EPHA6: variants seen among roughly 807,000 people sequenced by gnomAD.
The protein encoded by EPHA6 is ephrin type-A receptor 6.
A neutral mutation model predicts 112.0 loss-of-function variants in EPHA6; 50 were observed. The observed-to-expected ratio is 0.45, with a 90% CI of 0.36 to 0.56. EPHA6 has a LOEUF of 0.56. Ranked by LOEUF, EPHA6 falls within the 20% of genes least tolerant of loss-of-function variation. EPHA6 has a pLI of 0.00. For missense variants in EPHA6, 1,280 were observed against 1,417.4 expected (o/e 0.90, Z 1.56); for synonymous variants, 529 against 490.7 (o/e 1.08, Z -1.03).
intron 3 of EPHA6, among the ~76,000 whole-genome samples, chr3:97,083,702 A>G (rs1183166926): frequency 6.6e-6 from 1 of 151,950 alleles, no homozygotes; most frequent in Non-Finnish European, 1.5e-5. Context: ...AATCTTTCTT[A>G]AAATATAAAT....
At position 97,408,228 on chromosome 3, in the gene EPHA6, T is replaced by C. The variant is rs530250669; in HGVS notation, c.1731+2954T>C. Among the ~76,000 whole-genome samples the C allele has an allele frequency of 6.6e-5, 10 of 152,162 alleles. No individual in the cohort carries two copies. The East Asian group carries it at 9.7e-4, about 15-fold the overall frequency. On this transcript the variant is annotated intron_variant, in intron 6 of 17. Coordinates refer to ENST00000389672, the MANE Select transcript of EPHA6 (RefSeq NM_001080448.3). ...AATGATCTCTTAAGGGTTCCACCTA[T>C]TAATACTGTTACAATGACAATTAAA...
intron 5 of EPHA6, among the ~76,000 whole-genome samples, chr3:97,356,780 T>C (rs2084100039): frequency 6.6e-6 from 1 of 152,180 alleles, no homozygotes; most frequent in Non-Finnish European, 1.5e-5. Context: ...GCTCCTGTTG[T>C]TGCTTACATC....
chr3:97,634,382 T>C (rs943232131), intron 13 of EPHA6, among the ~76,000 whole-genome samples: 13 of 152,162 alleles, frequency 8.5e-5, no homozygotes, highest in Middle Eastern at 3.4e-3. Flanking sequence ...CTTTTTTCTT[T>C]TCGTCAAGCC....
intron 3 of EPHA6, among the ~76,000 whole-genome samples, chr3:97,174,622 T>C (rs1244050416): frequency 6.6e-6 from 1 of 151,962 alleles, no homozygotes; most frequent in Non-Finnish European, 1.5e-5. Flanking sequence ...TCATAGTAGT[T>C]TTTATTTGCA....
At chr3:96,857,664 G>T (rs1483890063) in intron 1 of EPHA6, among the ~76,000 whole-genome samples, 1 of 151,778 alleles carries the variant, frequency 6.6e-6, no homozygotes, top group Admixed American at 6.6e-5. Flanking sequence ...TTTTTTTTAA[G>T]TCTTCACATT....
intron 2 of EPHA6, among the ~76,000 whole-genome samples, chr3:96,978,529 G>T (rs766517751): frequency 6.6e-6 from 1 of 151,948 alleles, no homozygotes; most frequent in African/African-American, 2.4e-5. Flanking sequence ...TTGTTTTAGG[G>T]AATCAGATCC....
chr3:97,143,119 T>C (rs1313290729), intron 3 of EPHA6, among the ~76,000 whole-genome samples: 1 of 151,678 alleles, frequency 6.6e-6, no homozygotes, highest in African/African-American at 2.4e-5. Flanking sequence ...ACATCAATAA[T>C]TTTCAAGCTG....
intron 3 of EPHA6, among the ~76,000 whole-genome samples, chr3:97,209,136 A>G (rs537858613): frequency 1.3e-5 from 2 of 152,182 alleles, no homozygotes; most frequent in Non-Finnish European, 2.9e-5. Flanking sequence ...GCACACACAG[A>G]ATACTTAGTA....
At chr3:96,936,198 A>G (rs553417533) in intron 2 of EPHA6, among the ~76,000 whole-genome samples, 1 of 152,240 alleles carries the variant, frequency 6.6e-6, no homozygotes, top group South Asian at 2.1e-4. Flanking sequence ...TTGTATGGCA[A>G]TACGTCATTT....
intron 13 of EPHA6, among the ~76,000 whole-genome samples, chr3:97,630,942 C>G (rs1461269046): frequency 6.6e-6 from 1 of 151,936 alleles, no homozygotes; most frequent in Non-Finnish European, 1.5e-5. Context: ...CTTATAAAAC[C>G]ACCTGTGACC....
chr3:97,039,958 C>G (rs1438545472), intron 3 of EPHA6, among the ~76,000 whole-genome samples: 1 of 151,886 alleles, frequency 6.6e-6, no homozygotes, highest in Admixed American at 6.6e-5. Flanking sequence ...AGAAAAATAA[C>G]TGAACAACTT....
In EPHA6 at chr3:97,377,925, T is replaced by C. The variant is rs532127580; in HGVS notation, c.1607-27225T>C. 1.1e-3 allele frequency among the ~76,000 whole-genome samples: 162 copies of C among 152,298 alleles called. 1 individual carries two copies. Among genetic ancestry groups the C allele is most frequent in the African/African-American group, 3.6e-3 (149 of 41,564 alleles). ...GAAAATTTGCAGACTGACAATGTGA[T>C]AGAAAAGAAAATCCCATTTTCTGAG... On this transcript the variant is annotated intron_variant, in intron 5 of 17. Coordinates refer to ENST00000389672, the MANE Select transcript of EPHA6 (RefSeq NM_001080448.3).
At chr3:97,365,270 C>T (rs1160744555) in intron 5 of EPHA6, among the ~76,000 whole-genome samples, 1 of 152,014 alleles carries the variant, frequency 6.6e-6, no homozygotes, top group African/African-American at 2.4e-5. Flanking sequence ...AAAGAGGTTT[C>T]AAAGAGATTA....
At chr3:97,145,151 A>AT (rs749872770) in intron 3 of EPHA6, among the ~76,000 whole-genome samples, 1 of 151,358 alleles carries the variant, frequency 6.6e-6, no homozygotes, top group Non-Finnish European at 1.5e-5. Context: ...TATTAAGGTA[A>AT]TTTTTTCCTT....
chr3:97,102,136 A>G (rs753853921), intron 3 of EPHA6, among the ~76,000 whole-genome samples: 4 of 152,050 alleles, frequency 2.6e-5, no homozygotes, highest in Non-Finnish European at 4.4e-5. Context: ...CATATAAGAA[A>G]CACTCATAGC....
intron 2 of EPHA6, among the ~76,000 whole-genome samples, chr3:96,968,957 G>T (rs1283899281): frequency 1.3e-5 from 2 of 151,764 alleles, no homozygotes; most frequent in Admixed American, 1.3e-4. Flanking sequence ...AAATGCATAT[G>T]GTTCTTTATA....
At chr3:97,060,748 A>G (rs1008284164) in intron 3 of EPHA6, among the ~76,000 whole-genome samples, 7 of 151,468 alleles carry the variant, frequency 4.6e-5, no homozygotes, top group Non-Finnish European at 1.0e-4. Flanking sequence ...TGTCTCTACT[A>G]AAAATACAAA....
intron 1 of EPHA6, among the ~76,000 whole-genome samples, chr3:96,846,702 A>G (rs939003561): frequency 2.6e-5 from 4 of 152,026 alleles, no homozygotes; most frequent in Non-Finnish European, 5.9e-5. Context: ...ACTTAGAATA[A>G]ACTAAGAGAG....
At chr3:97,641,571 ATAG>A in intron 14 of EPHA6, among the ~76,000 whole-genome samples, 1 of 152,296 alleles carries the variant, frequency 6.6e-6, no homozygotes, top group East Asian at 1.9e-4. Context: ...TGGGCGCAGG[ATAG>A]TGGGTGCAGC....
Sources: gnomAD v4.1 joint callset for allele counts (sites outside exome capture counted in the v4.1 genomes callset) on GRCh38, gnomAD v4.1.1 for gene constraint, MANE v1.5 for transcripts, NCBI Gene and HGNC (gene_info 2026-07-23, HGNC 2026-07-21) for gene names.